TP53BP1: variants seen among roughly 807,000 people sequenced by gnomAD.
The protein encoded by TP53BP1 is TP53-binding protein 1.
In TP53BP1, 61 loss-of-function variants were observed where a neutral mutation model predicts 200.8. The observed-to-expected ratio is 0.30, with a 90% CI of 0.25 to 0.38. The LOEUF is 0.38. Among genes scored for constraint, TP53BP1 ranks in the 10% least tolerant of loss-of-function variants. TP53BP1 has a pLI of 1.00. For missense variants in TP53BP1, 2,144 were observed against 2,371.9 expected, an observed-to-expected ratio of 0.90 and a Z score of 2.00; for synonymous variants, 822 against 844.3, an observed-to-expected ratio of 0.97 and a Z score of 0.46.
In TP53BP1 at chr15:43,403,441, T is replaced by G; in HGVS notation, c.*3942A>C. 3 of 363,670 alleles carry G rather than the reference T, an allele frequency of 8.2e-6. No individual in the cohort carries two copies. Among genetic ancestry groups the G allele is most frequent in the Non-Finnish European group, 1.0e-5 (2 of 198,108 alleles). The allele number at this position is 363,670 out of a possible 1,614,324, so 22.5% of individuals were successfully genotyped here. A position where few individuals can be genotyped will look rare whatever the true frequency, so the allele number is the denominator to read the frequency against. On this transcript the variant is annotated 3_prime_UTR_variant, in exon 28 of 28. Coordinates refer to ENST00000382044, the MANE Select transcript of TP53BP1 (RefSeq NM_001141980.3). ...AAATGAAGAGTTAAATGTGGCTAGATTGGAGGTTTGGTGCAGGGCTAAGAG... is the reference window on the plus strand; with the variant it reads ...AAATGAAGAGTTAAATGTGGCTAGAGTGGAGGTTTGGTGCAGGGCTAAGAG...
chr15:43,467,625 G>A (rs1243368380), intron 11 of TP53BP1, among the ~76,000 whole-genome samples: 2 of 151,912 alleles, frequency 1.3e-5, no homozygotes, highest in African/African-American at 2.4e-5. Context: ...TCCCTTTGTG[G>A]CCAGGCATCA....
rs2044828075 is a variant in TP53BP1, at chr15:43,405,201, G to C, written c.*2182C>G. The C allele has an allele frequency of 6.2e-6, 10 of 1,614,080 alleles. No individual in the cohort carries two copies. The highest frequency in any genetic ancestry group is 8.5e-6 in the Non-Finnish European group (10 of 1,179,978). On this transcript the variant is annotated 3_prime_UTR_variant, in exon 28 of 28. Coordinates refer to ENST00000382044, the MANE Select transcript of TP53BP1 (RefSeq NM_001141980.3). ...AATAAGGCTCTTTTTCTCTTTTGTA[G>C]TTTCGGGATGTGAAAATTTCTGGCT... is the stretch of plus-strand genomic sequence containing the variant.
chr15:43,408,795 T>A, intron 26 of TP53BP1, 102 bp downstream of exon 26: 1 of 1,183,208 alleles, frequency 8.5e-7, no homozygotes, highest in Non-Finnish European at 1.2e-6. Context: ...CCCACAGACA[T>A]TCCAATTTCT....
At chr15:43,449,623 C>T (rs2046122916) in intron 12 of TP53BP1, among the ~76,000 whole-genome samples, 2 of 152,176 alleles carry the variant, frequency 1.3e-5, no homozygotes, top group Non-Finnish European at 2.9e-5. Context: ...TGCCTCATTC[C>T]TGGATTATTA....
At chr15:43,432,105 C>T (rs1477404721) in intron 17 of TP53BP1, 89 bp downstream of exon 17, 4 of 1,511,004 alleles carry the variant, frequency 2.6e-6, no homozygotes, top group Non-Finnish European at 3.6e-6. Flanking sequence ...CAAGAATTGT[C>T]ATTAGGCAGA....
intron 4 of TP53BP1, among the ~76,000 whole-genome samples, chr15:43,484,756 GTTTTTT>G (rs397951213): frequency 6.9e-6 from 1 of 144,994 alleles, no homozygotes; most frequent in East Asian, 2.0e-4. Flanking sequence ...CTTGTTTTTT[GTTTTTT>G]TTTTTTAAGA....
chr15:43,485,102 T>C (rs1368556882), intron 4 of TP53BP1, among the ~76,000 whole-genome samples: 1 of 152,200 alleles, frequency 6.6e-6, no homozygotes, highest in African/African-American at 2.4e-5. Context: ...TCCCCTTCCC[T>C]GCTATATTTA....
intron 10 of TP53BP1, among the ~76,000 whole-genome samples, chr15:43,473,216 G>A (rs1397829933): frequency 6.6e-6 from 1 of 152,124 alleles, no homozygotes; most frequent in African/African-American, 2.4e-5. Context: ...ATTGCAAAGA[G>A]TGAAAGAACA....
intron 1 of TP53BP1, among the ~76,000 whole-genome samples, chr15:43,506,627 G>A (rs561864504): frequency 5.3e-5 from 8 of 152,290 alleles, no homozygotes; most frequent in Admixed American, 4.6e-4. Flanking sequence ...AATTTTGCTT[G>A]ACAAGACTGT....
intron 4 of TP53BP1, among the ~76,000 whole-genome samples, chr15:43,483,959 C>CCTAT (rs1264205767): frequency 1.3e-5 from 2 of 152,198 alleles, no homozygotes; most frequent in Non-Finnish European, 2.9e-5. Context: ...TAGAATACTA[C>CCTAT]CTATCTGCTT....
At position 43,408,085 on chromosome 15, in the gene TP53BP1, T is replaced by C. The variant is rs1285142787; in HGVS notation, c.5604A>G (p.Gln1868=). The part of the protein sequence containing the change: ...SLEEQRILDW[Q]PRENPFQNLK... ...GATTCTGGAAAGGATTTTCACGGGGTTGCCTATGAAGGAGACAGGAAAGGA... is the reference window on the plus strand; with the variant it reads ...GATTCTGGAAAGGATTTTCACGGGGCTGCCTATGAAGGAGACAGGAAAGGA... The change falls in exon 27 of 28, where the codon CAA becomes CAG. Residue 1868 remains glutamine (Q), a synonymous_variant. Coordinates refer to ENST00000382044, the MANE Select transcript of TP53BP1 (RefSeq NM_001141980.3). 1.2e-6 allele frequency: 2 copies of C among 1,613,772 alleles called. No individual in the cohort carries two copies. Among genetic ancestry groups the C allele is most frequent in the East Asian group, 2.2e-5 (1 of 44,868 alleles).
chr15:43,479,674 A>C, intron 6 of TP53BP1, 148 bp from the exon 7 acceptor site: 1 of 1,165,460 alleles, frequency 8.6e-7, no homozygotes. Context: ...AAAGTAACCA[A>C]TAACTTAAAA....
At chr15:43,483,451 A>G (rs1022285444) in intron 4 of TP53BP1, among the ~76,000 whole-genome samples, 2 of 152,202 alleles carry the variant, frequency 1.3e-5, no homozygotes, top group Non-Finnish European at 2.9e-5. Flanking sequence ...AATGAACAAA[A>G]AAAGAGAGAA....
intron 10 of TP53BP1, among the ~76,000 whole-genome samples, chr15:43,473,474 T>C (rs2046777008): frequency 6.6e-6 from 1 of 151,906 alleles, no homozygotes; most frequent in Admixed American, 6.6e-5. Context: ...CCAGAGTAGC[T>C]AGATACAGAG....
At chr15:43,431,894 G>A (rs1321497233) in intron 17 of TP53BP1, among the ~76,000 whole-genome samples, 1 of 152,214 alleles carries the variant, frequency 6.6e-6, no homozygotes, top group Non-Finnish European at 1.5e-5. Context: ...AAGGAAAAGA[G>A]TGAATGTAGA....
chr15:43,415,293 C>T (rs945023678), intron 23 of TP53BP1: 7 of 414,944 alleles, frequency 1.7e-5, no homozygotes, highest in Non-Finnish European at 2.7e-5. Flanking sequence ...CTGCAACCTC[C>T]GCCTTCCTGG....
chr15:43,501,606 C>A (rs1424051556), intron 1 of TP53BP1, among the ~76,000 whole-genome samples: 1 of 152,182 alleles, frequency 6.6e-6, no homozygotes, highest in African/African-American at 2.4e-5. Context: ...GAGAGTTATT[C>A]ATGGTCCCTT....
chr15:43,420,533 A>C lies in TP53BP1; in HGVS notation c.4453T>G (p.Ser1485Ala). 1 of 1,614,180 alleles carries C rather than the reference A, an allele frequency of 6.2e-7. No homozygotes were observed. Reference sequence around the variant, plus strand: ...CCTACAAAGCTATTTCCTGGAGAGGAGGCATCTAAGCCATCAGAAGGGCCA... The same window carrying C: ...CCTACAAAGCTATTTCCTGGAGAGGCGGCATCTAAGCCATCAGAAGGGCCA... ...AAGPSDGLDA[S>A]SPGNSFVGLR... Residue 1485 changes from serine (S) to alanine (A), a missense_variant, in exon 21 of 28, where the codon TCC (serine) becomes GCC (alanine). By Grantham distance (99) the Ser-to-Ala change is moderately conservative. Transcript: ENST00000382044.
chr15:43,421,736 T>C (rs1325603408), intron 19 of TP53BP1, 119 bp downstream of exon 19: 2 of 1,376,726 alleles, frequency 1.5e-6, no homozygotes, highest in Non-Finnish European at 2.0e-6. Flanking sequence ...AGAGGGGTAG[T>C]TGATTTATCT....
Sources: gnomAD v4.1 joint callset for allele counts (sites outside exome capture counted in the v4.1 genomes callset) on GRCh38, gnomAD v4.1.1 for gene constraint, MANE v1.5 for transcripts, NCBI Gene and HGNC (gene_info 2026-07-23, HGNC 2026-07-21) for gene names.